Variants in STK17A observed in about 807,000 individuals in gnomAD.
STK17A encodes the protein serine/threonine kinase 17a.
STK17A carries 26 observed loss-of-function variants against 43.7 expected under a neutral mutation model. The ratio of observed to expected loss-of-function variants is 0.60; its 90% CI spans 0.44 to 0.83. The LOEUF is 0.83. Among genes scored for constraint, STK17A ranks in the 40% least tolerant of loss-of-function variants. The pLI, the probability that STK17A is intolerant of heterozygous loss-of-function variation, is 0.00. For missense variants in STK17A, 476 were observed against 511.6 expected (o/e 0.93, Z 0.67); for synonymous variants, 191 against 182.5 (o/e 1.05, Z -0.38).
intron 2 of STK17A, among the ~76,000 whole-genome samples, chr7:43,601,389 G>GT (rs1012132331): frequency 6.6e-6 from 1 of 152,100 alleles, no homozygotes; most frequent in African/African-American, 2.4e-5. Flanking sequence ...ACGGTTAAAA[G>GT]TTTTTTTAAA....
chr7:43,590,601 T>C (rs2082473502), intron 1 of STK17A, among the ~76,000 whole-genome samples: 1 of 151,588 alleles, frequency 6.6e-6, no homozygotes, highest in Non-Finnish European at 1.5e-5. Flanking sequence ...ATAGATGTTT[T>C]TGAAATGAAA....
In STK17A at chr7:43,603,231, T is replaced by A. The variant is rs546392801; in HGVS notation, c.420-5025T>A. Among the ~76,000 whole-genome samples the A allele has an allele frequency of 9.2e-5, 14 of 152,330 alleles. No individual in the cohort carries two copies. The East Asian group carries it at 1.9e-3, about 21-fold the overall frequency. ...GTTTCTTTGATGATCAGGTTTTTTTTAGACCAAAATCAGTATGAATTGGCC... is the reference window on the plus strand; with the variant it reads ...GTTTCTTTGATGATCAGGTTTTTTTAAGACCAAAATCAGTATGAATTGGCC... On this transcript the variant is annotated intron_variant, in intron 2 of 6. Coordinates refer to ENST00000319357, the MANE Select transcript of STK17A (RefSeq NM_004760.3).
rs771800647 is a variant in STK17A, at chr7:43,619,679, ACAGTGAAGAG to A, written c.649_658del (p.Glu219LysfsTer19). 5.0e-6 allele frequency: 8 copies of A among 1,614,040 alleles called. No individual in the cohort carries two copies. In the South Asian group the frequency reaches 8.8e-5, roughly 18 times the overall value. On this transcript the variant is annotated frameshift_variant, in exon 4 of 7. Transcript: ENST00000319357. LOFTEE classifies it high-confidence loss of function. Reference sequence around the variant, plus strand: ...TTTGGCCTTTCAAGAATATTGAAGAACAGTGAAGAGCTCCGAGAAATTATGGGTACCCCTG... The same window carrying A: ...TTTGGCCTTTCAAGAATATTGAAGAACTCCGAGAAATTATGGGTACCCCTG...
intron 3 of STK17A, chr7:43,609,018 A>T (rs2082658494): frequency 1.3e-5 from 2 of 152,328 alleles, no homozygotes; most frequent in Non-Finnish European, 2.9e-5. Flanking sequence ...TATATCAGTT[A>T]TGTTCCTTTC....
intron 2 of STK17A, among the ~76,000 whole-genome samples, chr7:43,606,181 G>A (rs756260859): frequency 2.0e-4 from 30 of 151,910 alleles, no homozygotes; most frequent in Non-Finnish European, 3.5e-4. Flanking sequence ...ATACTTATTT[G>A]TAATTATCTT....
Position 43,614,100 on chromosome 7 carries a change from C to T in STK17A, c.565-5497C>T, listed in dbSNP as rs572337921. 2.6e-5 allele frequency among the ~76,000 whole-genome samples: 4 copies of T among 152,240 alleles called. No individual in the cohort carries two copies. The East Asian group carries it at 7.7e-4, about 29-fold the overall frequency. On this transcript the variant is annotated intron_variant, in intron 3 of 6. Transcript: ENST00000319357. ...GATAAAATGTTCCTTAAAACCCTGC[C>T]CATGACACCCTAAGCCTTATTGAGC...
chr7:43,624,487 T>C, intron 6 of STK17A, 31 bp from the exon 7 acceptor site: 1 of 1,567,594 alleles, frequency 6.4e-7, no homozygotes, highest in South Asian at 1.2e-5. Context: ...AGTTCTAACA[T>C]GTCTTAACTG....
At chr7:43,584,898 C>T (rs2082428101) in intron 1 of STK17A, among the ~76,000 whole-genome samples, 1 of 152,130 alleles carries the variant, frequency 6.6e-6, no homozygotes, top group Admixed American at 6.5e-5. Flanking sequence ...CCCCTATTAC[C>T]TGAAAAAAGG....
chr7:43,592,364 A>G (rs2082485695), intron 1 of STK17A, among the ~76,000 whole-genome samples: 1 of 149,976 alleles, frequency 6.7e-6, no homozygotes, highest in Admixed American at 6.6e-5. Context: ...GGGTGCTGCT[A>G]GGTAGGTTGT....
At chr7:43,590,459 A>G (rs2082472692) in intron 1 of STK17A, among the ~76,000 whole-genome samples, 1 of 151,382 alleles carries the variant, frequency 6.6e-6, no homozygotes, top group South Asian at 2.1e-4. Context: ...ATAATTGTTT[A>G]TGTATCTTAC....
At chr7:43,589,703 C>G (rs568877626) in intron 1 of STK17A, among the ~76,000 whole-genome samples, 5 of 142,696 alleles carry the variant, frequency 3.5e-5, no homozygotes, top group South Asian at 2.1e-4. Context: ...GCGTACAACT[C>G]ACACCTGCCA....
chr7:43,587,147 G>GTTTT lies in STK17A; in HGVS notation c.206+3701_206+3704dup, dbSNP rs202031785. 1.0e-3 allele frequency among the ~76,000 whole-genome samples: 119 copies of GTTTT among 113,430 alleles called. 3 individuals are homozygous for GTTTT. Among genetic ancestry groups the GTTTT allele is most frequent in the African/African-American group, 2.1e-3 (72 of 34,618 alleles). The allele number at this position is 113,430 out of a possible 152,430, so 74.4% of individuals were successfully genotyped here. A position where few individuals can be genotyped will look rare whatever the true frequency, so the allele number is the denominator to read the frequency against. On this transcript the variant is annotated intron_variant, in intron 1 of 6. Coordinates refer to ENST00000319357, the MANE Select transcript of STK17A (RefSeq NM_004760.3). ...TTTAATGAAATGATATGTTTTTATTGTTTTTTGTTTTTTTTTTTTTTTTTT... is the reference window on the plus strand; with the variant it reads ...TTTAATGAAATGATATGTTTTTATTGTTTTTTTTTTGTTTTTTTTTTTTTTTTTT...
At chr7:43,586,763 T>A (rs1048072146) in intron 1 of STK17A, among the ~76,000 whole-genome samples, 2 of 151,570 alleles carry the variant, frequency 1.3e-5, no homozygotes, top group African/African-American at 4.8e-5. Context: ...AATTTTTTCT[T>A]AAGAAAAAAA....
Position 43,600,819 on chromosome 7 carries a change from A to G in STK17A, c.419+4706A>G, listed in dbSNP as rs1409609218. 3.3e-5 allele frequency among the ~76,000 whole-genome samples: 5 copies of G among 152,158 alleles called. 1 individual carries two copies. The highest frequency in any genetic ancestry group is 4.1e-4 in the South Asian group (2 of 4,836). ...TGTCTCAAACTCCTGGCCTCAAGCAATCCTCCTGCCTCAGCCTCCCAAAAT... is the reference window on the plus strand; with the variant it reads ...TGTCTCAAACTCCTGGCCTCAAGCAGTCCTCCTGCCTCAGCCTCCCAAAAT... On this transcript the variant is annotated intron_variant, in intron 2 of 6. Coordinates refer to ENST00000319357, the MANE Select transcript of STK17A (RefSeq NM_004760.3).
At chr7:43,607,019 G>A (rs1358187411) in intron 2 of STK17A, among the ~76,000 whole-genome samples, 2 of 146,634 alleles carry the variant, frequency 1.4e-5, no homozygotes, top group African/African-American at 2.5e-5. Flanking sequence ...TGCCTCCCAG[G>A]TTCAAGTGAT....
At position 43,583,135 on chromosome 7, in the gene STK17A, CG is replaced by C; in HGVS notation, c.-106del. Reference sequence around the variant, plus strand: ...AGTCCGAGCGCCGCGCTGGGGAGAGCGGGTGTTTGAAGGCTCCGCGGACCGG... The same window carrying C: ...AGTCCGAGCGCCGCGCTGGGGAGAGCGGTGTTTGAAGGCTCCGCGGACCGG... On this transcript the variant is annotated 5_prime_UTR_variant, in exon 1 of 7. Coordinates refer to ENST00000319357, the MANE Select transcript of STK17A (RefSeq NM_004760.3). 3.4e-6 allele frequency: 4 copies of C among 1,186,372 alleles called. No homozygotes were observed. The highest frequency in any genetic ancestry group is 4.7e-6 in the Non-Finnish European group (4 of 850,804). 73.5% of individuals were successfully genotyped at this position (1,186,372 alleles called of 1,614,324 possible).
At position 43,624,726 on chromosome 7, in the gene STK17A, A is replaced by G. The variant is rs781017701; in HGVS notation, c.1129A>G (p.Thr377Ala). Residue 377 changes from threonine (T) to alanine (A), a missense_variant, in exon 7 of 7, where the codon ACT becomes GCT. Thr to Ala is a moderately conservative substitution (Grantham distance 58). Transcript: ENST00000319357. ...AGAGTTAATTGTAGTTACTTCATATACTCTAGGACAATGCAGACAGTCTGA... is the reference window on the plus strand; with the variant it reads ...AGAGTTAATTGTAGTTACTTCATATGCTCTAGGACAATGCAGACAGTCTGA... ...TEELIVVTSYTLGQCRQSEKE... is the reference protein window; with the variant it reads ...TEELIVVTSYALGQCRQSEKE... 10 of 1,614,028 alleles carry G rather than the reference A, an allele frequency of 6.2e-6. No homozygotes were observed. Among genetic ancestry groups the G allele is most frequent in the Non-Finnish European group, 8.5e-6 (10 of 1,179,964 alleles).
In STK17A at chr7:43,619,558, T is replaced by C. The variant is rs770607965; in HGVS notation, c.565-39T>C. 23 of 1,603,686 alleles carry C rather than the reference T, an allele frequency of 1.4e-5. No individual in the cohort carries two copies. In the South Asian group the frequency reaches 2.1e-4, roughly 15 times the overall value. The stretch of plus-strand genomic sequence containing the variant: ...GCTGCATGTTTTGTGTACTTAATCA[T>C]AGTTATATTGATTTTTGCGGGGGTG... On this transcript the variant is annotated intron_variant, in intron 3 of 6. Coordinates refer to ENST00000319357, the MANE Select transcript of STK17A (RefSeq NM_004760.3).
rs1386801634 is a variant in STK17A, at chr7:43,623,803, A to G, written c.835A>G (p.Asn279Asp). 2 of 1,607,058 alleles carry G rather than the reference A, an allele frequency of 1.2e-6. No individual in the cohort carries two copies. Among genetic ancestry groups the G allele is most frequent in the Admixed American group, 1.7e-5 (1 of 58,788 alleles). The part of the protein sequence containing the change: ...QETFLNISQM[N>D]LSYSEEEFDV... ...AACATTCTTAAACATCTCACAGATG[A>G]ATTTAAGTTATTCTGAGGAAGAATT... Residue 279 changes from asparagine (N) to aspartate (D), a missense_variant, in exon 6 of 7, where the codon AAT (asparagine) becomes GAT (aspartate). Physicochemically the swap from Asn to Asp is conservative, Grantham distance 23 (BLOSUM62 1). Transcript: ENST00000319357.
Sources: allele counts gnomAD v4.1 joint callset (sites outside exome capture counted in the v4.1 genomes callset), GRCh38; gene constraint gnomAD v4.1.1; transcripts MANE v1.5; gene names NCBI Gene and HGNC (gene_info 2026-07-23, HGNC 2026-07-21).